The following SORL1 variants were observed in gnomAD, a reference collection of about 807,000 sequenced individuals.
SORL1 encodes sortilin related receptor 1, also known as sortilin-related receptor.
Under a neutral mutation model 273.7 loss-of-function variants are expected in SORL1, and 127 were observed. The ratio of observed to expected loss-of-function variants is 0.46; its 90% CI spans 0.40 to 0.54. SORL1 has a LOEUF of 0.54. Ranked by LOEUF, SORL1 falls within the 20% of genes least tolerant of loss-of-function variation. The probability of loss-of-function intolerance (pLI) is 0.00; values close to 1 mark genes in which losing one functional copy is unlikely to be tolerated. For missense variants in SORL1, 2,494 were observed against 2,846.1 expected (o/e 0.88, Z 2.81); for synonymous variants, 1,031 against 1,067.4 (o/e 0.97, Z 0.66).
At chr11:121,611,008 C>T (rs529928706) in intron 38 of SORL1, 68 bp from the exon 39 acceptor site, 2 of 1,069,400 alleles carry the variant, frequency 1.9e-6, no homozygotes, top group Non-Finnish European at 2.9e-6. Context: ...GAGTTGAAAA[C>T]TATTAAGTCC....
chr11:121,496,836 A>C, intron 5 of SORL1, 33 bp from the exon 6 acceptor site: 1 of 1,575,478 alleles, frequency 6.3e-7, no homozygotes, highest in Non-Finnish European at 8.6e-7. Context: ...TAAATGTGCA[A>C]ATGATAACAA....
At chr11:121,574,132 A>G (rs1862888772) in intron 23 of SORL1, 109 bp from the exon 24 acceptor site, 2 of 1,119,062 alleles carry the variant, frequency 1.8e-6, no homozygotes, top group East Asian at 4.8e-5. Flanking sequence ...TGTTGCTACA[A>G]TTAATACCTG....
In SORL1 at chr11:121,595,670, C is replaced by A. The variant is rs757266473; in HGVS notation, c.4417C>A (p.Arg1473=). ...TCCCACCCAACTTGGGCGATGTGAC[C>A]GATTTGAGTTCGAATGCCACCAACC... ...STPTQLGRCD[R]FEFECHQPKT... is the part of the protein sequence containing the mutation. Residue 1473 remains arginine, a synonymous_variant, in exon 32 of 48, where the codon CGA becomes AGA. Transcript: ENST00000260197. This position sits in a 1 kb window ranked among gnomAD's most constrained non-coding sequence, Gnocchi z 5.1. 3.7e-6 allele frequency: 6 copies of A among 1,613,078 alleles called. No individual in the cohort carries two copies. Among genetic ancestry groups the A allele is most frequent in the South Asian group, 1.1e-5 (1 of 90,836 alleles).
At chr11:121,586,714 G>T (rs1047588504) in intron 27 of SORL1, among the ~76,000 whole-genome samples, 10 of 127,030 alleles carry the variant, frequency 7.9e-5, no homozygotes, top group Non-Finnish European at 1.3e-4. Context: ...GCGGGGGGGG[G>T]GCATTTTTAG....
intron 21 of SORL1, among the ~76,000 whole-genome samples, chr11:121,562,815 C>T (rs1862698692): frequency 6.6e-6 from 1 of 152,262 alleles, no homozygotes; most frequent in South Asian, 2.1e-4. Flanking sequence ...TAAGAACGAA[C>T]CTTCTATCTC....
At chr11:121,553,836 G>C in intron 16 of SORL1, 101 bp from the exon 17 acceptor site, 1 of 1,152,238 alleles carries the variant, frequency 8.7e-7, no homozygotes, top group South Asian at 1.4e-5. Flanking sequence ...ACATGCCAAT[G>C]AATTTGAGGT....
At position 121,591,060 on chromosome 11, in the gene SORL1, C is replaced by G; in HGVS notation, c.4273C>G (p.Arg1425Gly). ...GPSTCLPNYY[R>G]CSSGTCVMDT... ...CTCCACGTGTCTGCCCAATTACTAC[C>G]GCTGCAGCAGTGGGACCTGCGTGAT... Residue 1425 changes from arginine to glycine, a missense_variant, in exon 31 of 48, where the codon CGC (arginine) becomes GGC (glycine). This residue lies in a region of SORL1 where 1,609 missense variants were observed against 1,816.4 expected (regional missense o/e 0.89). Transcript: ENST00000260197. The G allele has an allele frequency of 6.2e-7, 1 of 1,614,224 alleles. No individual in the cohort carries two copies. The highest frequency in any genetic ancestry group is 8.5e-7 in the Non-Finnish European group (1 of 1,180,022).
At position 121,607,112 on chromosome 11, in the gene SORL1, GCCTCCTTGCAAGATATTAGGATGC is replaced by G. The variant is rs1323647207; in HGVS notation, c.5062-70_5062-47del. On this transcript the variant is annotated intron_variant, in intron 36 of 47. Transcript: ENST00000260197. The stretch of plus-strand genomic sequence containing the variant: ...TCCTCACCATCTTTTCTCTCCTCCA[GCCTCCTTGCAAGATATTAGGATGC>G]CCTGGACCTTTGGTTCCCTTTACTC... The G allele has an allele frequency of 4.6e-6, 5 of 1,087,602 alleles. No individual in the cohort carries two copies. In the African/African-American group the frequency reaches 6.2e-5, roughly 13 times the overall value. The allele number at this position is 1,087,602 out of a possible 1,614,324, so 67.4% of individuals were successfully genotyped here.
chr11:121,550,995 T>C lies in SORL1; in HGVS notation c.2266+325T>C, dbSNP rs1307054272. ...GCTTTTGTGTGTTCCTTAATCTGTTTGTCAAAGTTGAGTATAAAGAGGTGT... is the reference window on the plus strand; with the variant it reads ...GCTTTTGTGTGTTCCTTAATCTGTTCGTCAAAGTTGAGTATAAAGAGGTGT... On this transcript the variant is annotated intron_variant, in intron 16 of 47. Transcript: ENST00000260197. The surrounding 1 kb of genome is among the most constrained non-coding windows in gnomAD (Gnocchi z 5.3). Among the ~76,000 whole-genome samples, 2 of 152,244 alleles carry C rather than the reference T, an allele frequency of 1.3e-5. No homozygotes were observed. Among genetic ancestry groups the C allele is most frequent in the African/African-American group, 4.8e-5 (2 of 41,460 alleles).
chr11:121,565,326 C>G (rs1952413090), intron 21 of SORL1, among the ~76,000 whole-genome samples: 1 of 152,212 alleles, frequency 6.6e-6, no homozygotes, highest in Admixed American at 6.5e-5. Flanking sequence ...ACCTCTTACT[C>G]TTTTCCTTGG....
At chr11:121,466,472 T>G (rs957132394) in intron 1 of SORL1, among the ~76,000 whole-genome samples, 1 of 152,314 alleles carries the variant, frequency 6.6e-6, no homozygotes, top group Middle Eastern at 3.4e-3. Context: ...TGCTGGGGTC[T>G]GCCCTGGGCT....
Position 121,618,879 on chromosome 11 carries a change from C to T in SORL1, c.5710C>T (p.Gln1904Ter), listed in dbSNP as rs1353361156. 1 of 1,614,112 alleles carries T rather than the reference C, an allele frequency of 6.2e-7. No homozygotes were observed. Among genetic ancestry groups the T allele is most frequent in the Admixed American group, 1.7e-5 (1 of 60,022 alleles). Residue 1904 changes from glutamine to a stop codon, truncating the protein, a stop_gained, in exon 42 of 48, where the codon CAG becomes TAG. Transcript: ENST00000260197. LOFTEE classifies it high-confidence loss of function. Reference protein sequence around the residue: ...NKTVIVSKDEQYLFLVRVVVP... With the variant: ...NKTVIVSKDE ...GACGGTCATTGTCAGTAAGGATGAG[C>T]AGTATTTGTTTCTGGTAAGTTTCCC... is the stretch of plus-strand genomic sequence containing the variant.
intron 12 of SORL1, among the ~76,000 whole-genome samples, chr11:121,540,697 A>G (rs1484072189): frequency 1.3e-5 from 2 of 152,068 alleles, no homozygotes; most frequent in South Asian, 2.1e-4. Flanking sequence ...GAAGAGCACC[A>G]TTTTCTAAAT....
intron 3 of SORL1, among the ~76,000 whole-genome samples, chr11:121,487,351 C>A (rs191346610): frequency 1.3e-5 from 2 of 152,178 alleles, no homozygotes; most frequent in African/African-American, 4.8e-5. Context: ...TTCTTTCAGC[C>A]GCAGCCACTA....
intron 21 of SORL1, among the ~76,000 whole-genome samples, chr11:121,564,553 T>G (rs1416354405): frequency 6.6e-6 from 1 of 151,924 alleles, no homozygotes; most frequent in Non-Finnish European, 1.5e-5. Context: ...TGTAATAGAG[T>G]AGTTTTTTTT....
At position 121,554,479 on chromosome 11, in the gene SORL1, A is replaced by G. The variant is rs1862549025; in HGVS notation, c.2439+370A>G. ...TGATACAGTAACACTTGACTTACCC[A>G]TAGCTCACATAATTATCCACTTCAG... On this transcript the variant is annotated intron_variant, in intron 17 of 47. Transcript: ENST00000260197. The surrounding 1 kb of genome is among the most constrained non-coding windows in gnomAD (Gnocchi z 4.6). 6.6e-6 allele frequency among the ~76,000 whole-genome samples: 1 copy of G among 152,208 alleles called. No individual in the cohort carries two copies. Among genetic ancestry groups the G allele is most frequent in the Non-Finnish European group, 1.5e-5 (1 of 68,038 alleles).
chr11:121,595,887 G>A lies in SORL1; in HGVS notation c.4519+115G>A. On this transcript the variant is annotated intron_variant, in intron 32 of 47. Transcript: ENST00000260197. This position sits in a 1 kb window ranked among gnomAD's most constrained non-coding sequence, Gnocchi z 5.1. ...CGCCTGTGTGTGAGTCTGTGTACTTGCGTAACCATGCTCTTACTGCATTCT... is the reference window on the plus strand; with the variant it reads ...CGCCTGTGTGTGAGTCTGTGTACTTACGTAACCATGCTCTTACTGCATTCT... The A allele has an allele frequency of 8.8e-7, 1 of 1,130,212 alleles. No homozygotes were observed. The highest frequency in any genetic ancestry group is 1.6e-5 in the South Asian group (1 of 63,556). 70.0% of individuals were successfully genotyped at this position (1,130,212 alleles called of 1,614,324 possible). A position where few individuals can be genotyped will look rare whatever the true frequency, so the allele number is the denominator to read the frequency against.
At chr11:121,576,791 T>C in intron 24 of SORL1, 1 of 1,502,280 alleles carries the variant, frequency 6.7e-7, no homozygotes, top group Non-Finnish European at 8.9e-7. Context: ...TTCCTCCGTT[T>C]TGGGAGCTCA....
chr11:121,477,921 A>G lies in SORL1; in HGVS notation c.403-197A>G, dbSNP rs188617629. The stretch of plus-strand genomic sequence containing the variant: ...GTGGCAGGTGCCTGTAATCCCAGCT[A>G]CTTGGGAGGCTGAGGCAAGAGAATC... On this transcript the variant is annotated intron_variant, in intron 2 of 47. Transcript: ENST00000260197. 1.8e-4 allele frequency among the ~76,000 whole-genome samples: 27 copies of G among 151,796 alleles called. No homozygotes were observed. In the East Asian group the frequency reaches 5.1e-3, roughly 28 times the overall value.
Sources: gnomAD v4.1 joint callset for allele counts (sites outside exome capture counted in the v4.1 genomes callset) on GRCh38, gnomAD v4.1.1 for gene constraint, gnomAD v4.1.1 regional missense constraint, Gnocchi (gnomAD v3.1) non-coding constraint, MANE v1.5 for transcripts, NCBI Gene and HGNC (gene_info 2026-07-23, HGNC 2026-07-21) for gene names.